The following SMURF2 variants were observed in gnomAD, a reference collection of about 807,000 sequenced individuals.
The protein encoded by SMURF2 is SMAD specific E3 ubiquitin protein ligase 2.
In SMURF2, 48 loss-of-function variants were observed where a neutral mutation model predicts 109.6. The ratio of observed to expected loss-of-function variants is 0.44; its 90% CI spans 0.35 to 0.56. The LOEUF (loss-of-function observed/expected upper bound fraction) is 0.56, where lower values mean the gene tolerates loss of function less well. Among genes scored for constraint, SMURF2 ranks in the 20% least tolerant of loss-of-function variants. The pLI is 0.01. For missense variants in SMURF2, 575 were observed against 909.0 expected, an observed-to-expected ratio of 0.63 and a Z score of 4.72; for synonymous variants, 288 against 317.1, an observed-to-expected ratio of 0.91 and a Z score of 0.97.
intron 1 of SMURF2, among the ~76,000 whole-genome samples, chr17:64,608,268 T>A (rs1555689234): frequency 6.6e-6 from 1 of 152,004 alleles, no homozygotes; most frequent in Non-Finnish European, 1.5e-5. Context: ...TGAATCTAAA[T>A]AAATATAACT....
chr17:64,548,872 T>C (rs1555683377), intron 16 of SMURF2, among the ~76,000 whole-genome samples: 1 of 152,198 alleles, frequency 6.6e-6, no homozygotes, highest in Non-Finnish European at 1.5e-5. Flanking sequence ...ATCTAACATG[T>C]TTGTTTATAG....
At chr17:64,624,144 T>A (rs770068480) in intron 1 of SMURF2, among the ~76,000 whole-genome samples, 2 of 152,150 alleles carry the variant, frequency 1.3e-5, no homozygotes, top group Non-Finnish European at 2.9e-5. Context: ...AAAGCAAGTC[T>A]GATAATCCTA....
At chr17:64,656,751 C>CA (rs1455797713) in intron 1 of SMURF2, among the ~76,000 whole-genome samples, 1 of 151,996 alleles carries the variant, frequency 6.6e-6, no homozygotes, top group Non-Finnish European at 1.5e-5. Flanking sequence ...AACATTCAAA[C>CA]AAAAAAATCT....
chr17:64,641,333 GAATA>G (rs1555692539), intron 1 of SMURF2, among the ~76,000 whole-genome samples: 3 of 151,970 alleles, frequency 2.0e-5, no homozygotes, highest in Non-Finnish European at 1.5e-5. Flanking sequence ...ATATATCAAA[GAATA>G]AATAGTCCAA....
intron 1 of SMURF2, among the ~76,000 whole-genome samples, chr17:64,655,944 A>G (rs1970699544): frequency 6.6e-6 from 1 of 152,184 alleles, no homozygotes; most frequent in Admixed American, 6.5e-5. Context: ...TAAAGCTACA[A>G]TAAAAAAAAC....
At chr17:64,648,098 T>A (rs137983774) in intron 1 of SMURF2, among the ~76,000 whole-genome samples, 2,601 of 117,970 alleles carry the variant, frequency 0.022, 40 homozygotes, top group South Asian at 0.048. Context: ...AAAAACAGGA[T>A]CTCAATAGTA....
At chr17:64,566,648 T>C (rs1421701453) in intron 10 of SMURF2, among the ~76,000 whole-genome samples, 1 of 131,456 alleles carries the variant, frequency 7.6e-6, no homozygotes, top group Non-Finnish European at 1.6e-5. Context: ...CTCCGCTCAC[T>C]GCAACCTCCG....
chr17:64,628,126 T>C (rs560283151), intron 1 of SMURF2, among the ~76,000 whole-genome samples: 25 of 152,320 alleles, frequency 1.6e-4, no homozygotes, highest in African/African-American at 6.0e-4. Context: ...GCTGACTTTA[T>C]GAGTTTGTTC....
At chr17:64,644,918 G>A (rs1364813851) in intron 1 of SMURF2, among the ~76,000 whole-genome samples, 1 of 151,966 alleles carries the variant, frequency 6.6e-6, no homozygotes, top group Admixed American at 6.6e-5. Flanking sequence ...GCTGAGGCAG[G>A]AGCCGCTTCA....
At position 64,542,785 on chromosome 17, in the gene SMURF2, G is replaced by C. The variant is rs1968892523; in HGVS notation, c.*3063C>G. Reference sequence around the variant, plus strand: ...ATTGTATTTGAAAGAAGAGAATCTTGTGCTCCGGACTGTAAATACATGAAA... The same window carrying C: ...ATTGTATTTGAAAGAAGAGAATCTTCTGCTCCGGACTGTAAATACATGAAA... On this transcript the variant is annotated 3_prime_UTR_variant, in exon 19 of 19. Coordinates refer to ENST00000262435, the MANE Select transcript of SMURF2 (RefSeq NM_022739.4). 2.0e-5 allele frequency: 3 copies of C among 152,160 alleles called. No homozygotes were observed. Among genetic ancestry groups the C allele is most frequent in the African/African-American group, 7.2e-5 (3 of 41,438 alleles). The allele number at this position is 152,160 out of a possible 1,614,324, so 9.4% of individuals were successfully genotyped here. A position where few individuals can be genotyped will look rare whatever the true frequency, so the allele number is the denominator to read the frequency against.
chr17:64,561,455 A>G (rs1969216843), intron 12 of SMURF2, 45 bp downstream of exon 12: 1 of 1,287,226 alleles, frequency 7.8e-7, no homozygotes, highest in Admixed American at 2.0e-5. Flanking sequence ...TTAAATTTGT[A>G]AGTACAAAGA....
intron 1 of SMURF2, among the ~76,000 whole-genome samples, chr17:64,638,063 T>C (rs1198434144): frequency 2.2e-5 from 2 of 91,922 alleles, no homozygotes; most frequent in African/African-American, 1.7e-4. Context: ...TTCCTTTTTC[T>C]TTTTTTTTTT....
In SMURF2 at chr17:64,544,183, T is replaced by A. The variant is rs1280788600; in HGVS notation, c.*1665A>T. ...TCCAATATACATAAGAAAAATGGGC[T>A]GTTCTGGGTAAAGGGGGTGGGGATA... On this transcript the variant is annotated 3_prime_UTR_variant, in exon 19 of 19. Coordinates refer to ENST00000262435, the MANE Select transcript of SMURF2 (RefSeq NM_022739.4). The A allele has an allele frequency of 6.6e-6, 1 of 152,198 alleles. No homozygotes were observed. Among genetic ancestry groups the A allele is most frequent in the African/African-American group, 2.4e-5 (1 of 41,450 alleles). 9.4% of individuals were successfully genotyped at this position (152,198 alleles called of 1,614,324 possible). A position where few individuals can be genotyped will look rare whatever the true frequency, so the allele number is the denominator to read the frequency against.
At chr17:64,628,927 C>A (rs1383566075) in intron 1 of SMURF2, among the ~76,000 whole-genome samples, 1 of 152,160 alleles carries the variant, frequency 6.6e-6, no homozygotes, top group Non-Finnish European at 1.5e-5. Flanking sequence ...TTACTGAGCA[C>A]CCATGTAGTA....
At chr17:64,565,329 T>C (rs1555684858) in intron 10 of SMURF2, among the ~76,000 whole-genome samples, 1 of 152,180 alleles carries the variant, frequency 6.6e-6, no homozygotes, top group Non-Finnish European at 1.5e-5. Context: ...CTGTAAGGGC[T>C]GATGTGAGAG....
At chr17:64,546,824 A>AT (rs1968960512) in intron 17 of SMURF2, among the ~76,000 whole-genome samples, 1 of 152,232 alleles carries the variant, frequency 6.6e-6, no homozygotes, top group Non-Finnish European at 1.5e-5. Flanking sequence ...ACTTCACTTT[A>AT]TGCATCTGGG....
intron 1 of SMURF2, among the ~76,000 whole-genome samples, chr17:64,633,185 G>C (rs1970372439): frequency 6.6e-6 from 1 of 152,140 alleles, no homozygotes; most frequent in African/African-American, 2.4e-5. Flanking sequence ...TGGGAGGATG[G>C]CTTGAGCCCA....
intron 1 of SMURF2, among the ~76,000 whole-genome samples, chr17:64,626,457 G>T (rs1207848891): frequency 1.3e-5 from 2 of 151,972 alleles, no homozygotes; most frequent in Non-Finnish European, 2.9e-5. Flanking sequence ...AGAGCAGGAA[G>T]ATTCTGTTTT....
At position 64,544,011 on chromosome 17, in the gene SMURF2, A is replaced by C. The variant is rs1968911067; in HGVS notation, c.*1837T>G. 1 of 152,240 alleles carries C rather than the reference A, an allele frequency of 6.6e-6. No individual in the cohort carries two copies. The highest frequency in any genetic ancestry group is 1.5e-5 in the Non-Finnish European group (1 of 68,042). 9.4% of individuals were successfully genotyped at this position (152,240 alleles called of 1,614,324 possible). A position where few individuals can be genotyped will look rare whatever the true frequency, so the allele number is the denominator to read the frequency against. ...CAACTATGACTAGCTTGCTTGTGGCAGTTGAATTTGGCCAAATGAAATACA... is the reference window on the plus strand; with the variant it reads ...CAACTATGACTAGCTTGCTTGTGGCCGTTGAATTTGGCCAAATGAAATACA... On this transcript the variant is annotated 3_prime_UTR_variant, in exon 19 of 19. Coordinates refer to ENST00000262435, the MANE Select transcript of SMURF2 (RefSeq NM_022739.4).
Sources: allele counts gnomAD v4.1 joint callset (sites outside exome capture counted in the v4.1 genomes callset), GRCh38; gene constraint gnomAD v4.1.1; transcripts MANE v1.5; gene names NCBI Gene and HGNC (gene_info 2026-07-23, HGNC 2026-07-21).